Variants in NEGR1 observed in about 807,000 individuals in gnomAD.
NEGR1 encodes IgLON family member 4.
A neutral mutation model predicts 40.9 loss-of-function variants in NEGR1; 10 were observed. The ratio of observed to expected loss-of-function variants is 0.24; its 90% CI spans 0.15 to 0.42. NEGR1 has a LOEUF of 0.42. NEGR1 is among the 10% of genes least tolerant of loss of function. The pLI, the probability that NEGR1 is intolerant of heterozygous loss-of-function variation, is 1.00. For missense variants in NEGR1, 352 were observed against 438.9 expected, an observed-to-expected ratio of 0.80 and a Z score of 1.77; for synonymous variants, 185 against 166.8, an observed-to-expected ratio of 1.11 and a Z score of -0.84.
At chr1:71,904,468 TA>T (rs1465992757) in intron 2 of NEGR1, among the ~76,000 whole-genome samples, 1 of 152,124 alleles carries the variant, frequency 6.6e-6, no homozygotes, top group Non-Finnish European at 1.5e-5. Context: ...GAATGTCTGA[TA>T]AAGTAATATA....
intron 1 of NEGR1, among the ~76,000 whole-genome samples, chr1:72,074,488 C>T (rs190907415): frequency 6.6e-6 from 1 of 151,890 alleles, no homozygotes; most frequent in East Asian, 1.9e-4. Flanking sequence ...CAGGTTTTAT[C>T]GGCACTACAC....
intron 3 of NEGR1, among the ~76,000 whole-genome samples, chr1:71,721,275 A>G (rs1163151120): frequency 6.6e-6 from 1 of 152,140 alleles, no homozygotes; most frequent in Non-Finnish European, 1.5e-5. Flanking sequence ...TGGGGAAAAC[A>G]TGCCTTCAGC....
chr1:71,840,753 AAATATTTG>A (rs1431705989), intron 2 of NEGR1, among the ~76,000 whole-genome samples: 1 of 152,196 alleles, frequency 6.6e-6, no homozygotes, highest in Admixed American at 6.6e-5. Flanking sequence ...CGTGGTACCC[AAATATTTG>A]GTCAAACATT....
intron 4 of NEGR1, among the ~76,000 whole-genome samples, chr1:71,620,283 T>C (rs995414723): frequency 6.6e-6 from 1 of 152,022 alleles, no homozygotes; most frequent in Non-Finnish European, 1.5e-5. Context: ...AGAATCCACA[T>C]GGTTTGAAAA....
chr1:72,268,650 T>G (rs2100554936), intron 1 of NEGR1, among the ~76,000 whole-genome samples: 1 of 151,586 alleles, frequency 6.6e-6, no homozygotes, highest in East Asian at 1.9e-4. Context: ...TGGAAAAATA[T>G]AAATTTACAA....
At position 72,274,561 on chromosome 1, in the gene NEGR1, T is replaced by A. The variant is rs1655971650; in HGVS notation, c.176+7758A>T. ...GTTTAAAACTGATCCAATTAAACTTTACAGTGAGTCTTTGGCAAGATATGG... is the reference window on the plus strand; with the variant it reads ...GTTTAAAACTGATCCAATTAAACTTAACAGTGAGTCTTTGGCAAGATATGG... On this transcript the variant is annotated intron_variant, in intron 1 of 6. Transcript: ENST00000357731. 1.2e-5 allele frequency: 9 copies of A among 757,716 alleles called. No homozygotes were observed. In the East Asian group the frequency reaches 2.2e-4, roughly 19 times the overall value. The allele number at this position is 757,716 out of a possible 1,614,324, so 46.9% of individuals were successfully genotyped here.
chr1:71,799,799 A>G (rs149299939), intron 2 of NEGR1, among the ~76,000 whole-genome samples: 1,765 of 151,732 alleles, frequency 0.012, 37 homozygotes, highest in African/African-American at 0.041. Flanking sequence ...TGCAACCTCC[A>G]CGTCCTGGGT....
At chr1:71,834,732 T>C (rs1262814008) in intron 2 of NEGR1, among the ~76,000 whole-genome samples, 1 of 152,090 alleles carries the variant, frequency 6.6e-6, no homozygotes, top group Non-Finnish European at 1.5e-5. Context: ...GTTTATGTTG[T>C]TCCCTTCTGA....
intron 1 of NEGR1, among the ~76,000 whole-genome samples, chr1:72,235,970 A>T (rs1001534715): frequency 6.6e-6 from 1 of 152,132 alleles, no homozygotes; most frequent in Non-Finnish European, 1.5e-5. Flanking sequence ...TCTACTATAA[A>T]GGCACATGCA....
chr1:71,971,250 C>T (rs1055737013), intron 1 of NEGR1, among the ~76,000 whole-genome samples: 1 of 152,174 alleles, frequency 6.6e-6, no homozygotes, highest in Non-Finnish European at 1.5e-5. Flanking sequence ...GATTTCTAGT[C>T]TCCAGAACTT....
chr1:71,960,298 T>A (rs1050377456), intron 1 of NEGR1, among the ~76,000 whole-genome samples: 1 of 152,190 alleles, frequency 6.6e-6, no homozygotes, highest in Non-Finnish European at 1.5e-5. Flanking sequence ...AAAATTGTGT[T>A]TGCCCTGGAA....
intron 6 of NEGR1, among the ~76,000 whole-genome samples, chr1:71,579,970 G>A (rs1649082301): frequency 6.6e-6 from 1 of 152,150 alleles, no homozygotes. Flanking sequence ...TTGTGTTGCA[G>A]CAAATTTAAA....
At chr1:71,905,469 G>A (rs925062772) in intron 2 of NEGR1, among the ~76,000 whole-genome samples, 1 of 151,482 alleles carries the variant, frequency 6.6e-6, no homozygotes, top group South Asian at 2.1e-4. Flanking sequence ...ATCATTATGT[G>A]GTTGGAATTT....
At position 71,900,184 on chromosome 1, in the gene NEGR1, G is replaced by A. The variant is rs191600981; in HGVS notation, c.409+34895C>T. On this transcript the variant is annotated intron_variant, in intron 2 of 6. Transcript: ENST00000357731. ...TTTCCTCACATGATAAATGCGAGGA[G>A]ATTAAGAACTCTTGTAAGGGATGCT... is the stretch of plus-strand genomic sequence containing the variant. 2.6e-5 allele frequency among the ~76,000 whole-genome samples: 4 copies of A among 152,258 alleles called. No individual in the cohort carries two copies. In the East Asian group the frequency reaches 5.8e-4, roughly 22 times the overall value.
intron 1 of NEGR1, among the ~76,000 whole-genome samples, chr1:72,278,247 G>C (rs558360747): frequency 6.6e-6 from 1 of 152,072 alleles, no homozygotes; most frequent in Non-Finnish European, 1.5e-5. Context: ...ATTAAGGAAA[G>C]AATCTTTCTT....
intron 1 of NEGR1, among the ~76,000 whole-genome samples, chr1:72,004,545 A>G (rs1646588708): frequency 6.6e-6 from 1 of 152,122 alleles, no homozygotes; most frequent in Non-Finnish European, 1.5e-5. Flanking sequence ...CGGCCTCCCA[A>G]AGTTCAGGGA....
At position 71,592,808 on chromosome 1, in the gene NEGR1, A is replaced by G. The variant is rs1557579411; in HGVS notation, c.940+9T>C. The G allele has an allele frequency of 6.2e-7, 1 of 1,607,720 alleles. No individual in the cohort carries two copies. The highest frequency in any genetic ancestry group is 1.3e-5 in the African/African-American group (1 of 74,918). ...CCTGGAAGCATTTTGGTACCATTGC[A>G]TTACTTACGGTTAAGAGGCAGGCTC... On this transcript the variant is annotated intron_variant, in intron 6 of 6. Transcript: ENST00000357731.
At chr1:72,199,178 G>C (rs1418226523) in intron 1 of NEGR1, among the ~76,000 whole-genome samples, 1 of 150,264 alleles carries the variant, frequency 6.7e-6, no homozygotes, top group Non-Finnish European at 1.5e-5. Context: ...GAGAGAGAGA[G>C]AGAGAGACTA....
intron 3 of NEGR1, among the ~76,000 whole-genome samples, chr1:71,710,112 C>A (rs771116888): frequency 2.0e-5 from 3 of 152,102 alleles, no homozygotes; most frequent in Non-Finnish European, 2.9e-5. Context: ...AGAAGACATA[C>A]AAATAGCAAA....
Sources: allele counts gnomAD v4.1 joint callset (sites outside exome capture counted in the v4.1 genomes callset), GRCh38; gene constraint gnomAD v4.1.1; transcripts MANE v1.5; gene names NCBI Gene and HGNC (gene_info 2026-07-23, HGNC 2026-07-21).